The following GPC5 variants were observed in gnomAD, a reference collection of about 807,000 sequenced individuals.
The protein encoded by GPC5 is glypican 5, also known as glypican-5.
GPC5 carries 47 observed loss-of-function variants against 53.9 expected under a neutral mutation model. The observed-to-expected ratio is 0.87, with a 90% CI of 0.69 to 1.11. The LOEUF (loss-of-function observed/expected upper bound fraction) is 1.11. Ranked by LOEUF, GPC5 falls within the 50% of genes most tolerant of loss-of-function variation. The pLI is 0.00. For missense variants in GPC5, 748 were observed against 713.1 expected, an observed-to-expected ratio of 1.05 and a Z score of -0.56; for synonymous variants, 286 against 263.3, an observed-to-expected ratio of 1.09 and a Z score of -0.84.
chr13:92,541,341 G>A (rs1305470791), intron 7 of GPC5, among the ~76,000 whole-genome samples: 2 of 151,748 alleles, frequency 1.3e-5, no homozygotes, highest in East Asian at 1.9e-4. Context: ...ATATGAAAAT[G>A]TATTTATTAC....
intron 2 of GPC5, among the ~76,000 whole-genome samples, chr13:91,612,623 G>C (rs2033587527): frequency 6.6e-6 from 1 of 152,040 alleles, no homozygotes; most frequent in African/African-American, 2.4e-5. Context: ...AACAAACAAA[G>C]CCTTGTGATA....
chr13:92,118,169 A>G (rs576887943), intron 6 of GPC5, among the ~76,000 whole-genome samples: 2 of 152,282 alleles, frequency 1.3e-5, no homozygotes, highest in African/African-American at 2.4e-5. Flanking sequence ...TTTATAAAGA[A>G]TAGATGTTGA....
At chr13:92,730,421 T>A (rs1256723923) in intron 7 of GPC5, among the ~76,000 whole-genome samples, 3 of 151,378 alleles carry the variant, frequency 2.0e-5, no homozygotes, top group African/African-American at 7.3e-5. Context: ...TACTGTGCCT[T>A]TGGTCCTTTG....
intron 7 of GPC5, among the ~76,000 whole-genome samples, chr13:92,487,216 A>G (rs1185390046): frequency 6.6e-6 from 1 of 152,130 alleles, no homozygotes; most frequent in Non-Finnish European, 1.5e-5. Context: ...ATGTAGTTTT[A>G]TCATCTCCAT....
chr13:92,599,070 T>C (rs960027906), intron 7 of GPC5, among the ~76,000 whole-genome samples: 6 of 152,216 alleles, frequency 3.9e-5, no homozygotes, highest in Non-Finnish European at 1.5e-5. Context: ...GTATTGGTTT[T>C]TACAAAACAA....
intron 6 of GPC5, among the ~76,000 whole-genome samples, chr13:92,030,595 C>G (rs187457015): frequency 1.3e-5 from 2 of 152,214 alleles, no homozygotes; most frequent in East Asian, 3.9e-4. Context: ...TCTAAGGCTT[C>G]TGCCCTAACA....
intron 6 of GPC5, among the ~76,000 whole-genome samples, chr13:91,972,980 G>T (rs186337159): frequency 0.024 from 3,588 of 152,096 alleles, 141 homozygotes; most frequent in African/African-American, 0.082. Context: ...TCTTTGTGGC[G>T]TTCTCTGTAT....
intron 7 of GPC5, among the ~76,000 whole-genome samples, chr13:92,769,678 G>A (rs1445059470): frequency 1.3e-5 from 2 of 152,160 alleles, no homozygotes; most frequent in Non-Finnish European, 1.5e-5. Context: ...GTGTTTGCAG[G>A]TAGGAGACTG....
At chr13:92,120,580 T>C (rs2138943754) in intron 6 of GPC5, among the ~76,000 whole-genome samples, 1 of 152,314 alleles carries the variant, frequency 6.6e-6, no homozygotes, top group South Asian at 2.1e-4. Flanking sequence ...AAGAAACACA[T>C]TACTCTCCCT....
chr13:92,486,998 G>A (rs529826984), intron 7 of GPC5, among the ~76,000 whole-genome samples: 1 of 152,200 alleles, frequency 6.6e-6, no homozygotes, highest in Admixed American at 6.5e-5. Flanking sequence ...TGGGATTATA[G>A]CCGCCCACCA....
At chr13:91,846,528 A>G (rs1240073157) in intron 5 of GPC5, among the ~76,000 whole-genome samples, 3 of 152,262 alleles carry the variant, frequency 2.0e-5, no homozygotes, top group Non-Finnish European at 4.4e-5. Flanking sequence ...AAGCAGCTTT[A>G]GGGCTCCTAG....
rs1337275842 is a variant in GPC5, at chr13:92,356,752, G to A, written c.1561+211763G>A. 5.9e-5 allele frequency among the ~76,000 whole-genome samples: 9 copies of A among 152,110 alleles called. 1 individual carries two copies. The highest frequency in any genetic ancestry group is 4.1e-4 in the South Asian group (2 of 4,828). On this transcript the variant is annotated intron_variant, in intron 7 of 7. Coordinates refer to ENST00000377067, the MANE Select transcript of GPC5 (RefSeq NM_004466.6). ...AGAGGTACATATGCAGGCTTGTTAC[G>A]TAGGTAAACTTGTAGATAAACTTCA...
At chr13:91,929,267 C>T (rs1327914828) in intron 6 of GPC5, among the ~76,000 whole-genome samples, 1 of 152,082 alleles carries the variant, frequency 6.6e-6, no homozygotes, top group Non-Finnish European at 1.5e-5. Flanking sequence ...AGAAGATGCA[C>T]TCACAGATTA....
In GPC5 at chr13:92,866,516, C is replaced by A. The variant is rs1233232331; in HGVS notation, c.*77C>A. Reference sequence around the variant, plus strand: ...TCTGCATATGCCTGGAATAAGAGATCCTTTTTCAATGTAACAATTATATTT... The same window carrying A: ...TCTGCATATGCCTGGAATAAGAGATACTTTTTCAATGTAACAATTATATTT... On this transcript the variant is annotated 3_prime_UTR_variant, in exon 8 of 8. Transcript: ENST00000377067. The A allele has an allele frequency of 2.6e-6, 3 of 1,141,454 alleles. No individual in the cohort carries two copies. Among genetic ancestry groups the A allele is most frequent in the African/African-American group, 3.2e-5 (2 of 63,108 alleles). The allele number at this position is 1,141,454 out of a possible 1,614,324, so 70.7% of individuals were successfully genotyped here.
rs9589509 is a variant in GPC5, at chr13:92,342,022, C to A, written c.1561+197033C>A. Among the ~76,000 whole-genome samples the A allele has an allele frequency of 4.7e-3, 709 of 152,174 alleles. 7 individuals carry two copies. The highest frequency in any genetic ancestry group is 0.016 in the African/African-American group (685 of 41,524). ...ATTATCCTAAAGTTTTCATTCTTTA[C>A]CTTGATGATTAGTTTAATATATTGG... On this transcript the variant is annotated intron_variant, in intron 7 of 7. Coordinates refer to ENST00000377067, the MANE Select transcript of GPC5 (RefSeq NM_004466.6).
chr13:91,767,751 G>A (rs1263131188), intron 5 of GPC5, among the ~76,000 whole-genome samples: 1 of 152,142 alleles, frequency 6.6e-6, no homozygotes, highest in East Asian at 1.9e-4. Context: ...TTGAATAGAG[G>A]AAGATAAAAA....
At chr13:91,713,382 T>C (rs952006298) in intron 3 of GPC5, among the ~76,000 whole-genome samples, 4 of 151,378 alleles carry the variant, frequency 2.6e-5, no homozygotes, top group Middle Eastern at 3.2e-3. Flanking sequence ...AGGATGATGA[T>C]AGTAACTGTA....
chr13:92,626,476 G>A (rs1296592107), intron 7 of GPC5, among the ~76,000 whole-genome samples: 1 of 152,170 alleles, frequency 6.6e-6, no homozygotes, highest in Non-Finnish European at 1.5e-5. Flanking sequence ...GGCATGTGTG[G>A]TGAACGTTGG....
At chr13:92,494,648 T>C (rs1367400311) in intron 7 of GPC5, among the ~76,000 whole-genome samples, 2 of 152,162 alleles carry the variant, frequency 1.3e-5, no homozygotes, top group East Asian at 3.9e-4. Flanking sequence ...CCTAAAAATA[T>C]ATATTGCATT....
Sources: gnomAD v4.1 joint callset for allele counts (sites outside exome capture counted in the v4.1 genomes callset) on GRCh38, gnomAD v4.1.1 for gene constraint, MANE v1.5 for transcripts, NCBI Gene and HGNC (gene_info 2026-07-23, HGNC 2026-07-21) for gene names.